AKAP12: variants seen among roughly 807,000 people sequenced by gnomAD.
AKAP12 encodes the protein A-kinase anchor protein 12.
AKAP12 carries 32 observed loss-of-function variants against 79.9 expected under a neutral mutation model. The ratio of observed to expected loss-of-function variants is 0.40; its 90% CI spans 0.30 to 0.54. AKAP12 has a LOEUF of 0.54. AKAP12 is among the 20% of genes least tolerant of loss of function. The pLI is 0.48. For synonymous variants in AKAP12, 808 were observed against 857.0 expected (o/e 0.94, Z 1.00); for missense variants, 2,074 against 2,177.0 (o/e 0.95, Z 0.94).
chr6:151,352,630 G>T lies in AKAP12; in HGVS notation c.4239G>T (p.Gln1413His). The T allele has an allele frequency of 3.7e-6, 6 of 1,614,186 alleles. No homozygotes were observed. The highest frequency in any genetic ancestry group is 5.1e-6 in the Non-Finnish European group (6 of 1,180,042). Residue 1413 changes from glutamine to histidine, a missense_variant, in exon 4 of 5, where the codon CAG becomes CAT. Physicochemically the swap from Gln to His is conservative, Grantham distance 24. This residue lies in a region of AKAP12 where 614 missense variants were observed against 665.6 expected (regional missense o/e 0.92). Coordinates refer to ENST00000402676, the MANE Select transcript of AKAP12 (RefSeq NM_005100.4). ...EEAVCTKIQVQSSEASFTLTA... is the reference protein window; with the variant it reads ...EEAVCTKIQVHSSEASFTLTA... ...CAGTATGCACCAAAATTCAAGTTCA[G>T]AGCTCTGAGGCATCATTCACTCTAA...
intron 3 of AKAP12, among the ~76,000 whole-genome samples, chr6:151,346,336 C>T (rs982656644): frequency 2.6e-5 from 4 of 152,174 alleles, no homozygotes; most frequent in Non-Finnish European, 4.4e-5. Flanking sequence ...TTGACCTATT[C>T]GCCATTTATG....
chr6:151,244,588 C>T (rs554231863), intron 2 of AKAP12, among the ~76,000 whole-genome samples: 32 of 152,132 alleles, frequency 2.1e-4, no homozygotes, highest in Non-Finnish European at 4.0e-4. Flanking sequence ...TTTCATAATT[C>T]CTCCCATAAG....
chr6:151,323,014 TAAAAG>T (rs370269123), intron 3 of AKAP12, among the ~76,000 whole-genome samples: 110 of 152,376 alleles, frequency 7.2e-4, no homozygotes, highest in African/African-American at 2.6e-3. Flanking sequence ...ATGGAAATGA[TAAAAG>T]AAAGTCTCCT....
intron 2 of AKAP12, among the ~76,000 whole-genome samples, chr6:151,259,798 A>G (rs1797383062): frequency 6.6e-6 from 1 of 151,630 alleles, no homozygotes; most frequent in South Asian, 2.1e-4. Context: ...GCTGGTCTTG[A>G]ACTCCTGGCC....
At chr6:151,326,235 T>C (rs1777522893) in intron 3 of AKAP12, among the ~76,000 whole-genome samples, 1 of 152,128 alleles carries the variant, frequency 6.6e-6, no homozygotes, top group Admixed American at 6.5e-5. Flanking sequence ...TAGAAATATG[T>C]CAGATTTGTG....
At chr6:151,276,348 TG>T (rs1776291897) in intron 2 of AKAP12, among the ~76,000 whole-genome samples, 1 of 152,218 alleles carries the variant, frequency 6.6e-6, no homozygotes, top group Middle Eastern at 3.2e-3. Context: ...CAGGAATGAG[TG>T]GCAAATTTAG....
At chr6:151,265,981 G>C (rs1357350754) in intron 2 of AKAP12, among the ~76,000 whole-genome samples, 1 of 152,162 alleles carries the variant, frequency 6.6e-6, no homozygotes, top group Non-Finnish European at 1.5e-5. Context: ...AGGATTTGGG[G>C]GACTGGACTG....
intron 2 of AKAP12, among the ~76,000 whole-genome samples, chr6:151,276,200 A>C (rs567180809): frequency 6.6e-6 from 1 of 152,124 alleles, no homozygotes; most frequent in South Asian, 2.1e-4. Flanking sequence ...AAATCTTTCC[A>C]TGTTCCTGAA....
intron 2 of AKAP12, among the ~76,000 whole-genome samples, chr6:151,252,936 G>A (rs1452320405): frequency 1.3e-5 from 2 of 152,148 alleles, no homozygotes; most frequent in South Asian, 2.1e-4. Flanking sequence ...TGGGGAATGC[G>A]TGTCTTTCCC....
chr6:151,263,562 G>T (rs1364828005), intron 2 of AKAP12, among the ~76,000 whole-genome samples: 1 of 151,634 alleles, frequency 6.6e-6, no homozygotes, highest in African/African-American at 2.4e-5. Context: ...ATACTCTCTT[G>T]AGAGATTTTC....
intron 3 of AKAP12, among the ~76,000 whole-genome samples, chr6:151,312,032 G>C (rs1777117227): frequency 6.6e-6 from 1 of 152,108 alleles, no homozygotes. Flanking sequence ...TTCTATTTCA[G>C]TTTTCAAATT....
At chr6:151,348,682 C>CACA in intron 3 of AKAP12, 29 bp from the exon 4 acceptor site, 2 of 198,914 alleles carry the variant, frequency 1.0e-5, no homozygotes, top group South Asian at 5.6e-5. Flanking sequence ...TTCTCTTCTC[C>CACA]CCACCCCCCC....
At chr6:151,304,962 G>GA (rs1472678905) in intron 2 of AKAP12, among the ~76,000 whole-genome samples, 1 of 152,114 alleles carries the variant, frequency 6.6e-6, no homozygotes, top group Non-Finnish European at 1.5e-5. Context: ...TATTTTTAAG[G>GA]AAAAAACAAT....
chr6:151,280,368 C>T (rs1776379431), intron 2 of AKAP12: 1 of 151,882 alleles, frequency 6.6e-6, no homozygotes. Context: ...AGGACTAATT[C>T]CTGGATGAAA....
At chr6:151,268,952 T>TTG (rs963613591) in intron 2 of AKAP12, among the ~76,000 whole-genome samples, 1 of 77,648 alleles carries the variant, frequency 1.3e-5, no homozygotes, top group African/African-American at 5.6e-5. Context: ...CCTGTTTTTT[T>TTG]TTTTTTTTTT....
chr6:151,313,302 C>T (rs1026452610), intron 3 of AKAP12, among the ~76,000 whole-genome samples: 3 of 152,154 alleles, frequency 2.0e-5, no homozygotes, highest in African/African-American at 7.2e-5. Context: ...GAGAGGGGTC[C>T]CCTTGCACAC....
rs183020970 is a variant in AKAP12, at chr6:151,265,648, A to G, written c.162+24924A>G. On this transcript the variant is annotated intron_variant, in intron 2 of 4. Coordinates refer to ENST00000402676, the MANE Select transcript of AKAP12 (RefSeq NM_005100.4). ...TAGGGAAAAAGGACCACTTAGTTTA[A>G]ATTCAATATTTTAAAAGTCAAGAAT... is the stretch of plus-strand genomic sequence containing the variant. 1.8e-4 allele frequency among the ~76,000 whole-genome samples: 28 copies of G among 152,378 alleles called. No homozygotes were observed. The East Asian group carries it at 3.5e-3, about 19-fold the overall frequency.
intron 3 of AKAP12, chr6:151,348,324 C>CAAAAAAA: frequency 2.5e-6 from 1 of 394,366 alleles, no homozygotes; most frequent in African/African-American, 3.0e-5. Flanking sequence ...GACTCTGTCT[C>CAAAAAAA]AAAAAAAAAA....
chr6:151,315,717 G>A (rs1337339232), intron 3 of AKAP12, among the ~76,000 whole-genome samples: 2 of 152,162 alleles, frequency 1.3e-5, no homozygotes, highest in Admixed American at 1.3e-4. Flanking sequence ...TTCTCACACT[G>A]TTATAAAGAA....
Sources: allele counts gnomAD v4.1 joint callset (sites outside exome capture counted in the v4.1 genomes callset), GRCh38; gene constraint gnomAD v4.1.1; regional missense constraint gnomAD v4.1.1; transcripts MANE v1.5; gene names NCBI Gene and HGNC (gene_info 2026-07-23, HGNC 2026-07-21).